The following CR1 variants were observed in gnomAD, a reference collection of about 807,000 sequenced individuals.
CR1 encodes complement receptor type 1.
CR1 carries 116 observed loss-of-function variants against 187.3 expected under a neutral mutation model. That is an observed-to-expected ratio of 0.62 (90% CI 0.53 to 0.72). The LOEUF (loss-of-function observed/expected upper bound fraction) is 0.72, where lower values mean the gene tolerates loss of function less well. Among genes scored for constraint, CR1 ranks in the 30% least tolerant of loss-of-function variants. CR1 has a pLI of 0.00. For synonymous variants in CR1, 576 were observed against 747.1 expected (o/e 0.77, Z 3.73); for missense variants, 1,731 against 2,110.7 (o/e 0.82, Z 3.52).
intron 1 of CR1, among the ~76,000 whole-genome samples, chr1:207,499,942 A>G (rs1022305864): frequency 2.0e-5 from 3 of 152,346 alleles, no homozygotes; most frequent in Admixed American, 2.0e-4. Flanking sequence ...CAACTCCAGA[A>G]AACAAGAAAA....
chr1:207,505,301 G>A (rs557852421), intron 1 of CR1, among the ~76,000 whole-genome samples: 1 of 152,156 alleles, frequency 6.6e-6, no homozygotes, highest in Admixed American at 6.5e-5. Context: ...ACAGGCATGT[G>A]TACAGGCAAG....
At chr1:207,629,359 G>A (rs1427613672) in intron 45 of CR1, among the ~76,000 whole-genome samples, 1 of 151,698 alleles carries the variant, frequency 6.6e-6, no homozygotes, top group Non-Finnish European at 1.5e-5. Context: ...TATACTCACC[G>A]AGATCATATT....
Position 207,577,920 on chromosome 1 carries a change from G to T in CR1, c.4653G>T (p.Gly1551=). The change falls in exon 29 of 47, where the codon GGG becomes GGT. Residue 1551 remains glycine, a synonymous_variant. Transcript: ENST00000367049. ...ACCGCTGCAATCTTGGAAGCAGAGG[G>T]AGAAAGGTGTTTGAGCTTGTGGGTG... The part of the protein sequence containing the change: ...VTYRCNLGSR[G]RKVFELVGEP... The T allele has an allele frequency of 6.2e-7, 1 of 1,612,656 alleles. No homozygotes were observed. The highest frequency in any genetic ancestry group is 8.5e-7 in the Non-Finnish European group (1 of 1,179,768).
rs576926415 is a variant in CR1, at chr1:207,578,288, G to A, written c.4936+85G>A. On this transcript the variant is annotated intron_variant, in intron 29 of 46. Transcript: ENST00000367049. The stretch of plus-strand genomic sequence containing the variant: ...GAGATGAGTATTTGTTAAGGGGGAG[G>A]TATGTATGGTGAGGAGGGTGGGAAA... 3.7e-6 allele frequency: 6 copies of A among 1,609,102 alleles called. No individual in the cohort carries two copies. The East Asian group carries it at 6.7e-5, about 18-fold the overall frequency.
Position 207,609,620 on chromosome 1 carries a change from T to G in CR1, c.6227T>G (p.Val2076Gly), listed in dbSNP as rs921199166. The G allele has an allele frequency of 6.2e-7, 1 of 1,611,332 alleles. No individual in the cohort carries two copies. Residue 2076 changes from valine (V) to glycine (G), a missense_variant, in exon 37 of 47, where the codon GTA becomes GGA. Physicochemically the swap from Val to Gly is moderately radical, Grantham distance 109. This residue lies in a region of CR1 where 1,312 missense variants were observed against 1,379.6 expected (regional missense o/e 0.95). Coordinates refer to ENST00000367049, the MANE Select transcript of CR1 (RefSeq NM_000651.6). ...RFRCQPGFVMVGSHTVQCQTN... is the reference protein window; with the variant it reads ...RFRCQPGFVMGGSHTVQCQTN... ...AGATGTCAGCCCGGGTTTGTCATGGTAGGGTCCCACACTGTGCAGTGCCAG... is the reference window on the plus strand; with the variant it reads ...AGATGTCAGCCCGGGTTTGTCATGGGAGGGTCCCACACTGTGCAGTGCCAG...
chr1:207,584,870 C>G lies in CR1; in HGVS notation c.5524C>G (p.Arg1842Gly). ...SPAPRCELSV[R>G]AGHCKTPEQF... ...TGCCCCTCGCTGTGAACTTTCTGTT[C>G]GTGCTGGTCAGTATCCACTTCCACA... Residue 1842 changes from arginine to glycine, a missense_variant, in exon 33 of 47, where the codon CGT becomes GGT. By Grantham distance (125) the Arg-to-Gly change is moderately radical. Coordinates refer to ENST00000367049, the MANE Select transcript of CR1 (RefSeq NM_000651.6). 1 of 1,613,894 alleles carries G rather than the reference C, an allele frequency of 6.2e-7. No individual in the cohort carries two copies. The highest frequency in any genetic ancestry group is 8.5e-7 in the Non-Finnish European group (1 of 1,179,840).
intron 45 of CR1, among the ~76,000 whole-genome samples, chr1:207,629,489 C>T (rs1056421025): frequency 6.6e-6 from 1 of 152,212 alleles, no homozygotes; most frequent in African/African-American, 2.4e-5. Flanking sequence ...CTCCACTCTT[C>T]CTCATCCATG....
rs778669699 is a variant in CR1, at chr1:207,565,856, C to T, written c.3885C>T (p.Ser1295=). Reference sequence around the variant, plus strand: ...TCTTTAGATTTCAATTAAAAGGCAGCTCTGCTAGTTATTGTGTCTTGGCTG... The same window carrying T: ...TCTTTAGATTTCAATTAAAAGGCAGTTCTGCTAGTTATTGTGTCTTGGCTG... ...VCDEGFQLKG[S]SASYCVLAGM... is the part of the protein sequence containing the mutation. The change falls in exon 24 of 47, where the codon AGC becomes AGT. Residue 1295 remains serine (S), a synonymous_variant. Coordinates refer to ENST00000367049, the MANE Select transcript of CR1 (RefSeq NM_000651.6). 1.2e-6 allele frequency: 2 copies of T among 1,610,856 alleles called. No homozygotes were observed. Among genetic ancestry groups the T allele is most frequent in the Non-Finnish European group, 1.7e-6 (2 of 1,179,718 alleles).
At chr1:207,523,578 G>C (rs1460046311) in intron 4 of CR1, 33 bp from the exon 5 acceptor site, 2 of 1,612,812 alleles carry the variant, frequency 1.2e-6, no homozygotes, top group East Asian at 2.2e-5. Context: ...TATTTAAACT[G>C]ACTGTTATTT....
intron 39 of CR1, among the ~76,000 whole-genome samples, chr1:207,613,254 G>T (rs1303935613): frequency 6.6e-6 from 1 of 152,192 alleles, no homozygotes; most frequent in African/African-American, 2.4e-5. Flanking sequence ...AAGTCAGGGG[G>T]TCATTCTCTC....
intron 1 of CR1, among the ~76,000 whole-genome samples, 197 bp downstream of exon 1, chr1:207,496,585 C>T (rs971339109): frequency 6.6e-6 from 1 of 152,228 alleles, no homozygotes; most frequent in African/African-American, 2.4e-5. Context: ...CTCGCTGCTT[C>T]TGGGTAAGCG....
chr1:207,621,089 C>T (rs1391019512), intron 43 of CR1, among the ~76,000 whole-genome samples: 1 of 152,130 alleles, frequency 6.6e-6, no homozygotes, highest in Non-Finnish European at 1.5e-5. Flanking sequence ...GCCTGGCCAA[C>T]ATGGTGAAAC....
intron 24 of CR1, among the ~76,000 whole-genome samples, chr1:207,567,012 T>A (rs1344248158): frequency 6.7e-6 from 1 of 150,358 alleles, no homozygotes; most frequent in Non-Finnish European, 1.5e-5. Context: ...CTATCATGAA[T>A]GAAAGCTCAT....
At chr1:207,616,473 TA>T in intron 40 of CR1, 101 bp from the exon 41 acceptor site, 3 of 1,362,648 alleles carry the variant, frequency 2.2e-6, no homozygotes, top group Non-Finnish European at 3.0e-6. Context: ...ATATTCTTTC[TA>T]AAAGTTATAT....
At chr1:207,520,968 G>GTTTTTTTTT (rs141546660) in intron 4 of CR1, among the ~76,000 whole-genome samples, 29 of 44,570 alleles carry the variant, frequency 6.5e-4, no homozygotes, top group South Asian at 1.1e-3. Flanking sequence ...TTTTTTGGTT[G>GTTTTTTTTT]TTTTTTTTTT....
intron 5 of CR1, among the ~76,000 whole-genome samples, chr1:207,525,133 C>G (rs1660129291): frequency 6.6e-6 from 1 of 152,006 alleles, no homozygotes; most frequent in Non-Finnish European, 1.5e-5. Flanking sequence ...TATCACAAGA[C>G]AGCACTAGGG....
At chr1:207,617,509 G>A (rs11801660) in intron 41 of CR1, among the ~76,000 whole-genome samples, 3,090 of 33,586 alleles carry the variant, frequency 0.092, 337 homozygotes, top group African/African-American at 0.29. Flanking sequence ...ATATATATAT[G>A]TGTGTGTGTG....
chr1:207,599,844 A>T lies in CR1; in HGVS notation c.5811-7407A>T, dbSNP rs561082253. Among the ~76,000 whole-genome samples the T allele has an allele frequency of 1.0e-3, 155 of 152,332 alleles. 1 individual carries two copies. The highest frequency in any genetic ancestry group is 1.9e-3 in the Non-Finnish European group (130 of 68,012). On this transcript the variant is annotated intron_variant, in intron 35 of 46. Transcript: ENST00000367049. ...CAGGACCACCTGAGATGGAGGTGGG[A>T]GTGACAAAATATACATGGTATACTA...
intron 5 of CR1, among the ~76,000 whole-genome samples, chr1:207,525,889 C>T (rs1249228017): frequency 2.0e-5 from 3 of 151,998 alleles, no homozygotes; most frequent in Non-Finnish European, 4.4e-5. Flanking sequence ...CTATTCCAAT[C>T]CCCCATTTGA....
Sources: gnomAD v4.1 joint callset for allele counts (sites outside exome capture counted in the v4.1 genomes callset) on GRCh38, gnomAD v4.1.1 for gene constraint, gnomAD v4.1.1 regional missense constraint, MANE v1.5 for transcripts, NCBI Gene and HGNC (gene_info 2026-07-23, HGNC 2026-07-21) for gene names.